Variants in LMX1A observed in about 807,000 individuals in gnomAD.
LMX1A encodes LIM homeobox transcription factor 1-alpha.
Under a neutral mutation model 49.1 loss-of-function variants are expected in LMX1A, and 15 were observed. That is an observed-to-expected ratio of 0.31 (90% CI 0.20 to 0.47). The LOEUF (loss-of-function observed/expected upper bound fraction) is 0.47, where lower values mean the gene tolerates loss of function less well. Ranked by LOEUF, LMX1A falls within the 20% of genes least tolerant of loss-of-function variation. The pLI, the probability that LMX1A is intolerant of heterozygous loss-of-function variation, is 1.00. For missense variants in LMX1A, 372 were observed against 475.8 expected, an observed-to-expected ratio of 0.78 and a Z score of 2.03; for synonymous variants, 167 against 185.7, an observed-to-expected ratio of 0.90 and a Z score of 0.82.
rs1443355148 is a variant in LMX1A, at chr1:165,310,514, C to T, written c.263+42562G>A. Among the ~76,000 whole-genome samples, 3 of 152,254 alleles carry T rather than the reference C, an allele frequency of 2.0e-5. 1 individual carries two copies. The highest frequency in any genetic ancestry group is 2.0e-4 in the Admixed American group (3 of 15,282). ...AGTAAAAGTGAGTTATCATGCATAG[C>T]TAGCCATCATTATACCCCCTGACGA... On this transcript the variant is annotated intron_variant, in intron 3 of 8. Coordinates refer to ENST00000342310, the MANE Select transcript of LMX1A (RefSeq NM_177398.4).
At chr1:165,323,492 T>C (rs958779675) in intron 3 of LMX1A, among the ~76,000 whole-genome samples, 6 of 152,220 alleles carry the variant, frequency 3.9e-5, no homozygotes, top group Admixed American at 3.9e-4. Context: ...ATGACATCAT[T>C]GGTTTCATGT....
intron 3 of LMX1A, among the ~76,000 whole-genome samples, chr1:165,256,747 C>T (rs1457050397): frequency 1.3e-5 from 2 of 152,014 alleles, no homozygotes; most frequent in Admixed American, 6.5e-5. Flanking sequence ...GTTGAGAAGC[C>T]TCCTCTGTAA....
intron 4 of LMX1A, among the ~76,000 whole-genome samples, chr1:165,241,759 A>G (rs1185611041): frequency 6.6e-6 from 1 of 152,238 alleles, no homozygotes; most frequent in Non-Finnish European, 1.5e-5. Flanking sequence ...ATTGGAGAAC[A>G]AGAAGATTTA....
intron 3 of LMX1A, among the ~76,000 whole-genome samples, chr1:165,350,173 C>CAAA (rs60150264): frequency 1.6e-3 from 131 of 80,064 alleles, no homozygotes; most frequent in African/African-American, 2.2e-3. Flanking sequence ...AAAGATCCAC[C>CAAA]AAAAAAAAAA....
At chr1:165,346,246 G>T (rs1357559330) in intron 3 of LMX1A, among the ~76,000 whole-genome samples, 1 of 152,188 alleles carries the variant, frequency 6.6e-6, no homozygotes, top group Non-Finnish European at 1.5e-5. Context: ...ATCTATTGGT[G>T]CAAGGAGACG....
chr1:165,210,855 A>C (rs1651353677), intron 5 of LMX1A, 79 bp from the exon 6 acceptor site: 2 of 936,202 alleles, frequency 2.1e-6, no homozygotes, highest in East Asian at 2.6e-5. Flanking sequence ...ATAATACTTG[A>C]GGAGGCCAAA....
chr1:165,234,869 A>G (rs530093154), intron 4 of LMX1A, among the ~76,000 whole-genome samples: 1 of 152,346 alleles, frequency 6.6e-6, no homozygotes, highest in African/African-American at 2.4e-5. Flanking sequence ...TATAGAGAGT[A>G]GGCCAGAAAG....
chr1:165,222,977 G>A lies in LMX1A; in HGVS notation c.497-9164C>T, dbSNP rs534031995. Among the ~76,000 whole-genome samples, 4 of 152,292 alleles carry A rather than the reference G, an allele frequency of 2.6e-5. No homozygotes were observed. The South Asian group carries it at 8.3e-4, about 32-fold the overall frequency. On this transcript the variant is annotated intron_variant, in intron 4 of 8. Coordinates refer to ENST00000342310, the MANE Select transcript of LMX1A (RefSeq NM_177398.4). ...CTTGCCTAGGACTGGGAGGAGGTTT[G>A]GGAGGAAATGGAGATTCACTGCTAA...
chr1:165,294,982 C>T (rs1268177325), intron 3 of LMX1A, among the ~76,000 whole-genome samples: 1 of 152,152 alleles, frequency 6.6e-6, no homozygotes, highest in African/African-American at 2.4e-5. Flanking sequence ...AAAAAAATCA[C>T]ACGCACATAA....
chr1:165,241,414 G>A (rs925620991), intron 4 of LMX1A, among the ~76,000 whole-genome samples: 3 of 152,190 alleles, frequency 2.0e-5, no homozygotes, highest in Non-Finnish European at 2.9e-5. Context: ...CAAGTTTCAA[G>A]CCCTTGATTT....
intron 2 of LMX1A, among the ~76,000 whole-genome samples, chr1:165,354,734 T>TA (rs1553215644): frequency 3.3e-5 from 5 of 151,962 alleles, no homozygotes; most frequent in South Asian, 2.1e-4. Flanking sequence ...TAAAAATAAA[T>TA]AAATAAAATA....
At chr1:165,278,742 C>T (rs1336088997) in intron 3 of LMX1A, among the ~76,000 whole-genome samples, 8 of 152,192 alleles carry the variant, frequency 5.3e-5, no homozygotes, top group Admixed American at 1.3e-4. Flanking sequence ...GACTGCAAGG[C>T]CTCAGACACA....
At chr1:165,263,222 C>A (rs761155717) in intron 3 of LMX1A, among the ~76,000 whole-genome samples, 2 of 152,188 alleles carry the variant, frequency 1.3e-5, no homozygotes, top group African/African-American at 4.8e-5. Flanking sequence ...CCAGCTTGCT[C>A]TTTTGAATCT....
intron 5 of LMX1A, among the ~76,000 whole-genome samples, chr1:165,211,511 G>A (rs1328474321): frequency 2.0e-5 from 3 of 152,220 alleles, no homozygotes; most frequent in Admixed American, 2.0e-4. Flanking sequence ...TCAGAGGGGG[G>A]CCTGAGAGAC....
intron 4 of LMX1A, among the ~76,000 whole-genome samples, chr1:165,227,778 C>T (rs1194672488): frequency 6.6e-6 from 1 of 152,104 alleles, no homozygotes; most frequent in African/African-American, 2.4e-5. Context: ...ATTATATACC[C>T]TATGCAAAAG....
At chr1:165,257,342 C>T (rs1653285445) in intron 3 of LMX1A, among the ~76,000 whole-genome samples, 1 of 151,902 alleles carries the variant, frequency 6.6e-6, no homozygotes, top group Non-Finnish European at 1.5e-5. Flanking sequence ...GTTAAGATGG[C>T]AGCCTCAGCT....
At chr1:165,344,866 C>T (rs931580252) in intron 3 of LMX1A, among the ~76,000 whole-genome samples, 3 of 152,230 alleles carry the variant, frequency 2.0e-5, no homozygotes, top group African/African-American at 7.2e-5. Context: ...TGCAGGGCCC[C>T]ATGCTCAGGA....
At chr1:165,288,527 C>T (rs942588936) in intron 3 of LMX1A, among the ~76,000 whole-genome samples, 6 of 152,166 alleles carry the variant, frequency 3.9e-5, no homozygotes, top group African/African-American at 1.4e-4. Context: ...AGAAAAACCC[C>T]TCCTGGGCCG....
chr1:165,221,944 C>CACAT (rs148884855), intron 4 of LMX1A, among the ~76,000 whole-genome samples: 45,322 of 149,092 alleles, frequency 0.3, 7,863 homozygotes, highest in East Asian at 0.5. Context: ...CACACACACA[C>CACAT]GCACACGCAC....
Sources: allele counts gnomAD v4.1 joint callset (sites outside exome capture counted in the v4.1 genomes callset), GRCh38; gene constraint gnomAD v4.1.1; transcripts MANE v1.5; gene names NCBI Gene and HGNC (gene_info 2026-07-23, HGNC 2026-07-21).